ABTB2: variants seen among roughly 807,000 people sequenced by gnomAD.
The protein encoded by ABTB2 is ankyrin repeat and BTB domain containing 2, also known as ankyrin repeat and BTB/POZ domain-containing protein 2.
Under a neutral mutation model 104.1 loss-of-function variants are expected in ABTB2, and 56 were observed. That is an observed-to-expected ratio of 0.54 (90% CI 0.43 to 0.67). The LOEUF is 0.67. Ranked by LOEUF, ABTB2 falls within the 30% of genes least tolerant of loss-of-function variation. The pLI is 0.00. For synonymous variants in ABTB2, 606 were observed against 608.2 expected, an observed-to-expected ratio of 1.00 and a Z score of 0.05; for missense variants, 1,279 against 1,407.7, an observed-to-expected ratio of 0.91 and a Z score of 1.46.
rs1246349952 is a variant in ABTB2 at position 34,297,796 on chromosome 11, G to GACAAAT, written c.883+58904_883+58905insATTTGT. Among the ~76,000 whole-genome samples, 91 of 123,052 alleles carry GACAAAT rather than the reference G, an allele frequency of 7.4e-4. 6 individuals are homozygous for GACAAAT. Among genetic ancestry groups the GACAAAT allele is most frequent in the Middle Eastern group, 9.1e-3 (2 of 220 alleles). 80.7% of individuals were successfully genotyped at this position (123,052 alleles called of 152,430 possible). A position where few individuals can be genotyped will look rare whatever the true frequency, so the allele number is the denominator to read the frequency against. The stretch of plus-strand genomic sequence containing the variant: ...AAAAAAAAAAAAAATAAAAATAAAG[G>GACAAAT]AAAGAAAAAGAAAAAAACAAAATTC... On this transcript the variant is annotated intron_variant, in intron 1 of 16. Transcript: ENST00000435224.
chr11:34,322,103 G>C (rs11032614), intron 1 of ABTB2, among the ~76,000 whole-genome samples: 17,739 of 152,134 alleles, frequency 0.12, 1,176 homozygotes, highest in East Asian at 0.31. Context: ...GGCTTCTAAC[G>C]ATCTAAGCTA....
chr11:34,288,328 T>C (rs967457292), intron 1 of ABTB2, among the ~76,000 whole-genome samples: 7 of 152,182 alleles, frequency 4.6e-5, no homozygotes, highest in Non-Finnish European at 7.3e-5. Context: ...CATCCTTTTA[T>C]CCATCTTACT....
intron 1 of ABTB2, among the ~76,000 whole-genome samples, chr11:34,221,131 C>T (rs148216067): frequency 0.017 from 2,614 of 152,044 alleles, 76 homozygotes; most frequent in African/African-American, 0.061. Flanking sequence ...CCACCACGCC[C>T]GGCTAATTTT....
chr11:34,268,591 G>A (rs568053409), intron 1 of ABTB2, among the ~76,000 whole-genome samples: 7 of 152,352 alleles, frequency 4.6e-5, no homozygotes, highest in South Asian at 4.1e-4. Context: ...ATGCTGCACC[G>A]GCAGGGTGGG....
At chr11:34,313,698 C>T (rs1234934881) in intron 1 of ABTB2, among the ~76,000 whole-genome samples, 1 of 152,210 alleles carries the variant, frequency 6.6e-6, no homozygotes, top group Non-Finnish European at 1.5e-5. Context: ...GGCGCACCTG[C>T]CTCAGTTTCT....
rs573597426 is a variant in ABTB2 at position 34,244,206 on chromosome 11, T to TA, written c.884-39517dup. Among the ~76,000 whole-genome samples the TA allele has an allele frequency of 3.9e-3, 567 of 145,306 alleles. 3 individuals carry two copies. The highest frequency in any genetic ancestry group is 0.013 in the African/African-American group (502 of 39,894). On this transcript the variant is annotated intron_variant, in intron 1 of 16. Transcript: ENST00000435224. ...TGACCAAGGGAGGTAATTGTTTCTT[T>TA]AAAAAAAAAAAAATCACTTTCAGTT... is the stretch of plus-strand genomic sequence containing the variant.
intron 1 of ABTB2, among the ~76,000 whole-genome samples, chr11:34,345,324 G>A (rs1186085490): frequency 6.6e-6 from 1 of 152,128 alleles, no homozygotes; most frequent in Non-Finnish European, 1.5e-5. Context: ...CTCCAGCCAG[G>A]CTGGCCTCAG....
intron 1 of ABTB2, among the ~76,000 whole-genome samples, chr11:34,298,011 C>A (rs1854645770): frequency 1.3e-5 from 2 of 151,906 alleles, no homozygotes; most frequent in Non-Finnish European, 2.9e-5. Flanking sequence ...GTGCAGACCT[C>A]ACTTGACAAC....
chr11:34,169,909 G>C (rs1852846769), intron 5 of ABTB2, among the ~76,000 whole-genome samples: 1 of 152,156 alleles, frequency 6.6e-6, no homozygotes, highest in Admixed American at 6.5e-5. Context: ...ATCTGTCAGG[G>C]TCCACCCTGG....
chr11:34,171,951 C>T (rs868406373), intron 4 of ABTB2, among the ~76,000 whole-genome samples: 1 of 152,170 alleles, frequency 6.6e-6, no homozygotes, highest in Non-Finnish European at 1.5e-5. Context: ...CACAGACGTC[C>T]AGTTGGCAGC....
intron 1 of ABTB2, among the ~76,000 whole-genome samples, chr11:34,247,267 C>T (rs890039579): frequency 6.6e-6 from 1 of 152,200 alleles, no homozygotes; most frequent in East Asian, 1.9e-4. Flanking sequence ...GCACCACCCC[C>T]TCCCAAAGCT....
At chr11:34,279,749 C>G (rs1854427068) in intron 1 of ABTB2, among the ~76,000 whole-genome samples, 1 of 151,724 alleles carries the variant, frequency 6.6e-6, no homozygotes, top group Non-Finnish European at 1.5e-5. Context: ...CTTTTACAGC[C>G]AGTGACTATT....
At chr11:34,283,988 T>C (rs572663647) in intron 1 of ABTB2, among the ~76,000 whole-genome samples, 2 of 152,378 alleles carry the variant, frequency 1.3e-5, no homozygotes, top group Non-Finnish European at 2.9e-5. Flanking sequence ...CCTGGATTGA[T>C]AATGCAGAGC....
intron 1 of ABTB2, chr11:34,335,684 A>G: frequency 7.1e-7 from 1 of 1,403,732 alleles, no homozygotes; most frequent in Non-Finnish European, 1.0e-6. Flanking sequence ...CTTTCACTTG[A>G]TAAAGTTTCT....
intron 1 of ABTB2, among the ~76,000 whole-genome samples, chr11:34,266,499 C>T (rs1854252316): frequency 6.6e-6 from 1 of 152,176 alleles, no homozygotes; most frequent in Admixed American, 6.6e-5. Context: ...CTATGCACTC[C>T]TCCAGCAAGC....
In ABTB2 at chr11:34,172,833, G is replaced by A. The variant is rs139860432; in HGVS notation, c.1397+322C>T. On this transcript the variant is annotated intron_variant, in intron 4 of 16. Transcript: ENST00000435224. ...CAATTACAGGAACAGAGGAAAGAACGGGCCCACTTCTGCCCCTCAGTCCCC... is the reference window on the plus strand; with the variant it reads ...CAATTACAGGAACAGAGGAAAGAACAGGCCCACTTCTGCCCCTCAGTCCCC... 4.4e-3 allele frequency among the ~76,000 whole-genome samples: 676 copies of A among 152,308 alleles called. 2 individuals carry two copies. Among genetic ancestry groups the A allele is most frequent in the Non-Finnish European group, 7.8e-3 (529 of 68,030 alleles).
At chr11:34,320,395 C>T (rs752342655) in intron 1 of ABTB2, among the ~76,000 whole-genome samples, 8 of 152,170 alleles carry the variant, frequency 5.3e-5, no homozygotes, top group Non-Finnish European at 1.2e-4. Flanking sequence ...AAAATGTACT[C>T]AGTGGCCGAA....
chr11:34,243,312 G>A lies in ABTB2; in HGVS notation c.884-38622C>T, dbSNP rs559020965. Among the ~76,000 whole-genome samples the A allele has an allele frequency of 6.6e-5, 10 of 152,158 alleles. No homozygotes were observed. In the South Asian group the frequency reaches 1.0e-3, roughly 16 times the overall value. On this transcript the variant is annotated intron_variant, in intron 1 of 16. Coordinates refer to ENST00000435224, the MANE Select transcript of ABTB2 (RefSeq NM_145804.3). ...ATTTTAGATGGAGTCTCGCTCTGTC[G>A]CCCAGCCTGGAGTGCAGTGGCATGA...
At chr11:34,349,707 G>T (rs952313762) in intron 1 of ABTB2, among the ~76,000 whole-genome samples, 3 of 152,176 alleles carry the variant, frequency 2.0e-5, no homozygotes, top group African/African-American at 7.2e-5. Context: ...GGGTGAATTT[G>T]CTCCCCAGGG....
Sources: gnomAD v4.1 joint callset for allele counts (sites outside exome capture counted in the v4.1 genomes callset) on GRCh38, gnomAD v4.1.1 for gene constraint, MANE v1.5 for transcripts, NCBI Gene and HGNC (gene_info 2026-07-23, HGNC 2026-07-21) for gene names.